Variants in KIF16B observed in about 807,000 individuals in gnomAD.
KIF16B encodes kinesin family member 16B, also known as kinesin-like protein KIF16B.
Under a neutral mutation model 156.3 loss-of-function variants are expected in KIF16B, and 98 were observed. The ratio of observed to expected loss-of-function variants is 0.63; its 90% confidence interval spans 0.53 to 0.74. The LOEUF (loss-of-function observed/expected upper bound fraction) is 0.74, where lower values mean the gene tolerates loss of function less well. Among genes scored for constraint, KIF16B ranks in the 30% least tolerant of loss-of-function variants. The probability of loss-of-function intolerance (pLI) is 0.00; values close to 1 mark genes in which losing one functional copy is unlikely to be tolerated. For synonymous variants in KIF16B, 564 were observed against 583.7 expected (o/e 0.97, Z 0.49); for missense variants, 1,421 against 1,606.5 (o/e 0.88, Z 1.97).
chr20:16,326,774 A>G (rs1281950314), intron 24 of KIF16B, among the ~76,000 whole-genome samples: 1 of 152,038 alleles, frequency 6.6e-6, no homozygotes. Flanking sequence ...GAGATTCCTT[A>G]AAGAACTAAA....
intron 1 of KIF16B, among the ~76,000 whole-genome samples, chr20:16,550,490 T>A (rs1053033621): frequency 3.3e-5 from 5 of 151,944 alleles, no homozygotes; most frequent in African/African-American, 7.3e-5. Flanking sequence ...TTTCGTTTTT[T>A]TTCCCCCTAG....
intron 25 of KIF16B, among the ~76,000 whole-genome samples, chr20:16,299,266 C>A (rs1385588966): frequency 6.6e-6 from 1 of 151,886 alleles, no homozygotes; most frequent in African/African-American, 2.4e-5. Context: ...AAGATTGGCC[C>A]CATGATGACT....
intron 12 of KIF16B, among the ~76,000 whole-genome samples, chr20:16,451,179 G>A (rs557411525): frequency 1.3e-5 from 2 of 152,322 alleles, no homozygotes; most frequent in East Asian, 1.9e-4. Context: ...GTCGTTCAGC[G>A]TCGCATGTGG....
At chr20:16,330,766 C>T (rs2063934257) in intron 24 of KIF16B, among the ~76,000 whole-genome samples, 1 of 152,188 alleles carries the variant, frequency 6.6e-6, no homozygotes. Context: ...GAAGCCATAG[C>T]TTTAGGATTC....
chr20:16,487,159 A>G (rs2068142162), intron 12 of KIF16B, among the ~76,000 whole-genome samples: 1 of 152,076 alleles, frequency 6.6e-6, no homozygotes, highest in Admixed American at 6.5e-5. Context: ...AGGCTGAGGC[A>G]GGAGAATGGC....
chr20:16,297,949 A>G (rs1050690360), intron 25 of KIF16B, among the ~76,000 whole-genome samples: 2 of 151,700 alleles, frequency 1.3e-5, no homozygotes, highest in African/African-American at 2.4e-5. Flanking sequence ...TGCTCCCACC[A>G]TTCTCTCCAC....
At chr20:16,291,700 C>T (rs1177866034) in intron 25 of KIF16B, among the ~76,000 whole-genome samples, 1 of 152,122 alleles carries the variant, frequency 6.6e-6, no homozygotes, top group Non-Finnish European at 1.5e-5. Context: ...AAGGACATTG[C>T]CTTTCAAAGT....
At chr20:16,399,016 G>A (rs551394660) in intron 17 of KIF16B, among the ~76,000 whole-genome samples, 1 of 152,344 alleles carries the variant, frequency 6.6e-6, no homozygotes, top group South Asian at 2.1e-4. Flanking sequence ...TTTGGCCTAA[G>A]AGGGGGAAAG....
At chr20:16,324,000 G>C (rs1034669720) in intron 24 of KIF16B, among the ~76,000 whole-genome samples, 1 of 151,862 alleles carries the variant, frequency 6.6e-6, no homozygotes, top group Non-Finnish European at 1.5e-5. Context: ...CCCAGTGAAC[G>C]TAAACTTGAG....
intron 25 of KIF16B, among the ~76,000 whole-genome samples, chr20:16,277,106 G>A (rs1292931356): frequency 6.6e-6 from 1 of 152,166 alleles, no homozygotes; most frequent in Non-Finnish European, 1.5e-5. Flanking sequence ...CTTCATATGA[G>A]CGGAATCATT....
chr20:16,404,893 A>G lies in KIF16B; in HGVS notation c.1704T>C (p.Leu568=), dbSNP rs750087492. The change falls in exon 17 of 26, where the codon CTT becomes CTC. Residue 568 remains leucine (L), a synonymous_variant. Coordinates refer to ENST00000354981, the MANE Select transcript of KIF16B (RefSeq NM_024704.5). ...AKLREKRKSG[L]LSSFSLSMTD... The stretch of plus-strand genomic sequence containing the variant: ...TCATGGACAAGCTGAAGGAGGACAG[A>G]AGGCCACTCTAAGGGCAGACACAGG... 1 of 1,613,142 alleles carries G rather than the reference A, an allele frequency of 6.2e-7. No homozygotes were observed. The highest frequency in any genetic ancestry group is 8.5e-7 in the Non-Finnish European group (1 of 1,179,440).
intron 22 of KIF16B, among the ~76,000 whole-genome samples, chr20:16,362,436 T>C (rs779070652): frequency 1.3e-4 from 20 of 152,202 alleles, no homozygotes; most frequent in Non-Finnish European, 2.8e-4. Context: ...AAGGCAATCC[T>C]TGAAAACAAC....
At chr20:16,538,912 C>T (rs751851365) in intron 1 of KIF16B, among the ~76,000 whole-genome samples, 1 of 151,970 alleles carries the variant, frequency 6.6e-6, no homozygotes, top group Non-Finnish European at 1.5e-5. Flanking sequence ...ATGACACCTC[C>T]GCTCGCCGCA....
At chr20:16,408,093 T>C (rs2065832009) in intron 15 of KIF16B, among the ~76,000 whole-genome samples, 1 of 152,140 alleles carries the variant, frequency 6.6e-6, no homozygotes, top group Non-Finnish European at 1.5e-5. Context: ...ATTCTGGAGC[T>C]CAGGCCAGCA....
At chr20:16,524,739 C>T (rs1185589867) in intron 3 of KIF16B, among the ~76,000 whole-genome samples, 1 of 152,124 alleles carries the variant, frequency 6.6e-6, no homozygotes, top group Non-Finnish European at 1.5e-5. Context: ...ATGTTTATTG[C>T]AGCACTATTC....
intron 24 of KIF16B, among the ~76,000 whole-genome samples, chr20:16,316,922 ATC>A (rs1364765792): frequency 1.1e-4 from 17 of 152,162 alleles, no homozygotes; most frequent in African/African-American, 4.1e-4. Flanking sequence ...ACACCAAAAA[ATC>A]TCTTCCATTT....
chr20:16,410,048 TTG>T (rs2065896601), intron 15 of KIF16B, among the ~76,000 whole-genome samples: 3 of 83,626 alleles, frequency 3.6e-5, no homozygotes, highest in Non-Finnish European at 6.8e-5. Context: ...TATATATATG[TTG>T]GTACATATAT....
chr20:16,380,245 C>A, intron 18 of KIF16B, 82 bp from the exon 19 acceptor site: 1 of 1,256,628 alleles, frequency 8.0e-7, no homozygotes, highest in Non-Finnish European at 1.0e-6. Flanking sequence ...TCTGAAAATG[C>A]ACATACAACC....
At chr20:16,525,934 C>T (rs6111171) in intron 3 of KIF16B, among the ~76,000 whole-genome samples, 158 bp downstream of exon 3, 4 of 152,266 alleles carry the variant, frequency 2.6e-5, no homozygotes, top group Middle Eastern at 3.4e-3. Flanking sequence ...ATAGATACTC[C>T]TACATAACAC....
Sources: gnomAD v4.1 joint callset for allele counts (sites outside exome capture counted in the v4.1 genomes callset) on GRCh38, gnomAD v4.1.1 for gene constraint, MANE v1.5 for transcripts, NCBI Gene and HGNC (gene_info 2026-07-23, HGNC 2026-07-21) for gene names.